ADK: variants seen among roughly 807,000 people sequenced by gnomAD.
ADK encodes the protein adenosine kinase, also known as N6,N6-dimethyladenosine kinase.
A neutral mutation model predicts 44.7 loss-of-function variants in ADK; 24 were observed. The ratio of observed to expected loss-of-function variants is 0.54; its 90% CI spans 0.39 to 0.76. The LOEUF (loss-of-function observed/expected upper bound fraction) is 0.76, where lower values mean the gene tolerates loss of function less well. Ranked by LOEUF, ADK falls within the 30% of genes least tolerant of loss-of-function variation. ADK has a pLI of 0.00. For missense variants in ADK, 321 were observed against 425.1 expected, an observed-to-expected ratio of 0.76 and a Z score of 2.15; for synonymous variants, 128 against 142.6, an observed-to-expected ratio of 0.90 and a Z score of 0.73.
intron 3 of ADK, among the ~76,000 whole-genome samples, chr10:74,262,982 C>T (rs1337596042): frequency 1.3e-5 from 2 of 152,064 alleles, no homozygotes; most frequent in African/African-American, 4.8e-5. Context: ...TCAATTGTTG[C>T]AAAACATAAA....
intron 4 of ADK, among the ~76,000 whole-genome samples, chr10:74,367,625 T>C (rs973548881): frequency 1.3e-5 from 2 of 152,174 alleles, no homozygotes; most frequent in African/African-American, 2.4e-5. Flanking sequence ...TGTAAACATA[T>C]TTGGAGAAGC....
intron 6 of ADK, among the ~76,000 whole-genome samples, chr10:74,435,378 A>G (rs1845147877): frequency 6.6e-6 from 1 of 152,196 alleles, no homozygotes; most frequent in African/African-American, 2.4e-5. Flanking sequence ...CCGCCTTTAC[A>G]TTTAAGAAAA....
intron 8 of ADK, among the ~76,000 whole-genome samples, chr10:74,598,382 C>T (rs1851997745): frequency 6.6e-6 from 1 of 150,572 alleles, no homozygotes; most frequent in Middle Eastern, 3.5e-3. Context: ...ATTACCAAAG[C>T]TCTCAACAAA....
chr10:74,702,433 C>T (rs145955974), intron 10 of ADK, among the ~76,000 whole-genome samples: 8 of 151,872 alleles, frequency 5.3e-5, no homozygotes, highest in African/African-American at 1.2e-4. Flanking sequence ...CCGCCCCCCT[C>T]GGCCTCCCAA....
chr10:74,351,581 GAGAA>G (rs780857067), intron 4 of ADK, among the ~76,000 whole-genome samples: 16 of 152,252 alleles, frequency 1.1e-4, no homozygotes, highest in Middle Eastern at 3.4e-3. Flanking sequence ...AATCTGGCAA[GAGAA>G]AGAAATAAAG....
chr10:74,420,259 G>A (rs1844513561), intron 6 of ADK, among the ~76,000 whole-genome samples: 1 of 152,228 alleles, frequency 6.6e-6, no homozygotes, highest in African/African-American at 2.4e-5. Context: ...GTTGGGGTCA[G>A]GAAGGGGAAA....
chr10:74,619,136 C>T (rs541553066), intron 9 of ADK, among the ~76,000 whole-genome samples: 1 of 151,442 alleles, frequency 6.6e-6, no homozygotes, highest in South Asian at 2.1e-4. Flanking sequence ...ATTCTCTCTT[C>T]TGCTTTGTCC....
In ADK at chr10:74,297,821, C is replaced by T. The variant is rs184256518; in HGVS notation, c.195-16846C>T. Among the ~76,000 whole-genome samples, 340 of 152,298 alleles carry T rather than the reference C, an allele frequency of 2.2e-3. 1 individual carries two copies. In the Middle Eastern group the frequency reaches 0.031, roughly 14 times the overall value. On this transcript the variant is annotated intron_variant, in intron 3 of 10. Transcript: ENST00000539909. ...TTCCTTTATGTATTGTCTATGGCTG[C>T]CTTCCCACCACTATGGCAGAATTGA... is the stretch of plus-strand genomic sequence containing the variant.
chr10:74,494,415 ATTAT>A (rs1564753331), intron 6 of ADK, among the ~76,000 whole-genome samples: 2 of 152,142 alleles, frequency 1.3e-5, no homozygotes, highest in African/African-American at 2.4e-5. Flanking sequence ...AGATGTATGT[ATTAT>A]TTATTTCTGA....
chr10:74,199,595 G>T (rs1333532873), intron 1 of ADK, among the ~76,000 whole-genome samples: 1 of 152,086 alleles, frequency 6.6e-6, no homozygotes, highest in Non-Finnish European at 1.5e-5. Flanking sequence ...ACCATTGATG[G>T]GCACCTAAGT....
chr10:74,190,550 G>T (rs1440043800), intron 1 of ADK, among the ~76,000 whole-genome samples: 4 of 152,168 alleles, frequency 2.6e-5, no homozygotes, highest in African/African-American at 9.7e-5. Context: ...AGCTGCTTCA[G>T]GGAGCTGAAA....
chr10:74,640,389 C>A (rs1246457485), intron 9 of ADK, among the ~76,000 whole-genome samples: 1 of 152,230 alleles, frequency 6.6e-6, no homozygotes, highest in African/African-American at 2.4e-5. Context: ...AGGACTCTTG[C>A]TTTAGGCAGA....
intron 6 of ADK, among the ~76,000 whole-genome samples, chr10:74,410,053 A>G (rs1022550735): frequency 1.3e-5 from 2 of 152,158 alleles, no homozygotes; most frequent in Non-Finnish European, 2.9e-5. Context: ...CTAAGAAATC[A>G]TATGTTTGAA....
chr10:74,545,682 G>C (rs1422401436), intron 7 of ADK, among the ~76,000 whole-genome samples: 2 of 152,172 alleles, frequency 1.3e-5, no homozygotes, highest in Non-Finnish European at 2.9e-5. Context: ...TTCAGGGCCA[G>C]ATGGATATGA....
chr10:74,613,974 A>G (rs1852651097), intron 9 of ADK, among the ~76,000 whole-genome samples: 2 of 152,150 alleles, frequency 1.3e-5, no homozygotes, highest in African/African-American at 2.4e-5. Flanking sequence ...AGTTCTTACC[A>G]GGTAAGATCT....
intron 9 of ADK, among the ~76,000 whole-genome samples, chr10:74,667,744 C>T (rs1344660134): frequency 6.6e-6 from 1 of 151,588 alleles, no homozygotes; most frequent in East Asian, 1.9e-4. Flanking sequence ...ACCATGTTGC[C>T]CAGGCTGGCT....
chr10:74,660,203 A>G (rs1854655830), intron 9 of ADK, among the ~76,000 whole-genome samples: 1 of 152,082 alleles, frequency 6.6e-6, no homozygotes, highest in African/African-American at 2.4e-5. Flanking sequence ...ATCTCGGCTC[A>G]CTGCAATTTC....
chr10:74,176,344 C>A, intron 1 of ADK: 1 of 594,264 alleles, frequency 1.7e-6, no homozygotes, highest in Non-Finnish European at 2.1e-6. Context: ...TTCCCCCCAC[C>A]TTTGCAGATG....
At chr10:74,517,958 T>C (rs1273692912) in intron 6 of ADK, among the ~76,000 whole-genome samples, 3 of 152,224 alleles carry the variant, frequency 2.0e-5, no homozygotes, top group African/African-American at 7.2e-5. Flanking sequence ...TCTTAATCGT[T>C]GTCAGGGCCA....
Sources: allele counts gnomAD v4.1 joint callset (sites outside exome capture counted in the v4.1 genomes callset), GRCh38; gene constraint gnomAD v4.1.1; transcripts MANE v1.5; gene names NCBI Gene and HGNC (gene_info 2026-07-23, HGNC 2026-07-21).